The following FAM193A variants were observed in gnomAD, a reference collection of about 807,000 sequenced individuals.
FAM193A encodes family with sequence similarity 193 member A.
FAM193A carries 22 observed loss-of-function variants against 126.5 expected under a neutral mutation model. That is an observed-to-expected ratio of 0.17 (90% CI 0.12 to 0.25). FAM193A has a LOEUF of 0.25. FAM193A is among the 10% of genes least tolerant of loss of function. The pLI is 1.00. For missense variants in FAM193A, 1,675 were observed against 1,672.8 expected (o/e 1.00, Z -0.02); for synonymous variants, 761 against 646.8 (o/e 1.18, Z -2.68).
At chr4:2,721,283 A>T (rs1720114957) in intron 20 of FAM193A, among the ~76,000 whole-genome samples, 1 of 135,526 alleles carries the variant, frequency 7.4e-6, no homozygotes, top group African/African-American at 2.9e-5. Flanking sequence ...ACTGCACTCC[A>T]GCCTGGGCAA....
intron 13 of FAM193A, 89 bp downstream of exon 13, chr4:2,672,461 CA>C (rs1352489345): frequency 2.1e-6 from 3 of 1,418,562 alleles, no homozygotes; most frequent in Non-Finnish European, 2.9e-6. Context: ...TGTGAATTAG[CA>C]ACTTGCATAG....
chr4:2,629,133 C>T (rs1018684364), intron 4 of FAM193A, among the ~76,000 whole-genome samples: 10 of 151,790 alleles, frequency 6.6e-5, no homozygotes, highest in African/African-American at 2.2e-4. Context: ...TGCCCCGCTG[C>T]CTTCTTTTTA....
At chr4:2,536,419 G>C (rs942060803), upstream of FAM193A, among the ~76,000 whole-genome samples, 1 of 151,856 alleles carries the variant, frequency 6.6e-6, no homozygotes, top group Admixed American at 6.6e-5. Flanking sequence ...AAGGCCTGAC[G>C]GGAATCGTGG....
chr4:2,690,799 A>G lies in FAM193A; in HGVS notation c.2632A>G (p.Lys878Glu). ...TGCAGTCTCGGATAGTAAAGAGAAA[A>G]AGAATGCTGCAAAAAAGAAATGTTT... ...TPAVSDSKEK[K>E]NAAKKKCLYN... The change falls in exon 15 of 21, where the codon AAG (lysine) becomes GAG (glutamate). Residue 878 changes from lysine to glutamate, a missense_variant. Transcript: ENST00000637812. 1 of 1,614,200 alleles carries G rather than the reference A, an allele frequency of 6.2e-7. No homozygotes were observed. The highest frequency in any genetic ancestry group is 8.5e-7 in the Non-Finnish European group (1 of 1,180,042).
chr4:2,565,562 G>A (rs1435464801), intron 1 of FAM193A, among the ~76,000 whole-genome samples: 1 of 151,768 alleles, frequency 6.6e-6, no homozygotes, highest in Non-Finnish European at 1.5e-5. Flanking sequence ...AGCCAGAGTA[G>A]CCACTTTGTA....
intron 1 of FAM193A, among the ~76,000 whole-genome samples, chr4:2,562,916 C>G (rs1209445181): frequency 1.5e-4 from 22 of 151,698 alleles, no homozygotes; most frequent in African/African-American, 5.3e-4. Flanking sequence ...GCGTGAGCCA[C>G]CACACCTGGC....
At chr4:2,663,509 C>CT (rs1304666537) in intron 12 of FAM193A, among the ~76,000 whole-genome samples, 1 of 151,856 alleles carries the variant, frequency 6.6e-6, no homozygotes, top group Non-Finnish European at 1.5e-5. Context: ...CTGTGGAGGC[C>CT]TTTTTTGTCT....
intron 2 of FAM193A, among the ~76,000 whole-genome samples, chr4:2,616,619 G>A (rs1029593632): frequency 9.2e-5 from 14 of 151,376 alleles, no homozygotes; most frequent in African/African-American, 2.2e-4. Context: ...GTGCAGTGGC[G>A]AGTGATCTCT....
At chr4:2,580,523 T>C (rs1739859361) in intron 1 of FAM193A, among the ~76,000 whole-genome samples, 1 of 152,138 alleles carries the variant, frequency 6.6e-6, no homozygotes, top group African/African-American at 2.4e-5. Context: ...ATTTTGGAGC[T>C]AGGGTCTGCT....
At chr4:2,623,231 C>T (rs558508210) in intron 2 of FAM193A, among the ~76,000 whole-genome samples, 20 of 151,478 alleles carry the variant, frequency 1.3e-4, no homozygotes, top group Admixed American at 7.9e-4. Flanking sequence ...AGTGCGGTGG[C>T]GCGATCTCGG....
intron 2 of FAM193A, among the ~76,000 whole-genome samples, chr4:2,598,129 G>A (rs1477717274): frequency 6.6e-6 from 1 of 152,058 alleles, no homozygotes; most frequent in African/African-American, 2.4e-5. Context: ...GGTCTCGATC[G>A]TGATCCGCCC....
At chr4:2,635,968 T>G (rs187644457) in intron 5 of FAM193A, among the ~76,000 whole-genome samples, 10 of 152,222 alleles carry the variant, frequency 6.6e-5, no homozygotes, top group Admixed American at 1.3e-4. Context: ...AAATTCAACT[T>G]TTTACAGATA....
chr4:2,700,937 C>T (rs1033061285), intron 19 of FAM193A, among the ~76,000 whole-genome samples: 2 of 151,990 alleles, frequency 1.3e-5, no homozygotes, highest in African/African-American at 2.4e-5. Flanking sequence ...TGCACTCCAG[C>T]GTGGGTGACA....
chr4:2,548,215 G>A (rs1208295247), intron 1 of FAM193A, among the ~76,000 whole-genome samples: 2 of 151,160 alleles, frequency 1.3e-5, no homozygotes, highest in African/African-American at 2.4e-5. Flanking sequence ...GGGATTACAG[G>A]CGCCTTCCAC....
intron 10 of FAM193A, among the ~76,000 whole-genome samples, chr4:2,662,549 TAATC>T (rs1309993646): frequency 1.6e-4 from 25 of 152,366 alleles, no homozygotes; most frequent in Admixed American, 1.0e-3. Context: ...ATGGAAACGT[TAATC>T]AGTCTGGTTA....
At chr4:2,635,166 G>A (rs1317008046) in intron 5 of FAM193A, among the ~76,000 whole-genome samples, 1 of 152,094 alleles carries the variant, frequency 6.6e-6, no homozygotes, top group Non-Finnish European at 1.5e-5. Context: ...CTCTTTTTAT[G>A]GTTGGGTTAT....
At chr4:2,667,529 T>G (rs1713259311) in intron 12 of FAM193A, among the ~76,000 whole-genome samples, 1 of 152,244 alleles carries the variant, frequency 6.6e-6, no homozygotes, top group African/African-American at 2.4e-5. Flanking sequence ...ATAGCTCCCC[T>G]GATATATTGC....
In FAM193A at chr4:2,566,942, C is replaced by CTT. The variant is rs71644339; in HGVS notation, c.256-29128_256-29127dup. Among the ~76,000 whole-genome samples, 408 of 138,894 alleles carry CTT rather than the reference C, an allele frequency of 2.9e-3. 4 individuals carry two copies. The highest frequency in any genetic ancestry group is 4.7e-3 in the Non-Finnish European group (300 of 63,830). The allele number at this position is 138,894 out of a possible 152,430, so 91.1% of individuals were successfully genotyped here. A position where few individuals can be genotyped will look rare whatever the true frequency, so the allele number is the denominator to read the frequency against. On this transcript the variant is annotated intron_variant, in intron 1 of 20. Transcript: ENST00000637812. The stretch of plus-strand genomic sequence containing the variant: ...AAATTGACTAGCTGAATTTCTTTTT[C>CTT]TTTTTTTTTTTTTTTGAGACGGAGT...
chr4:2,562,478 C>G (rs1043673769), intron 1 of FAM193A, among the ~76,000 whole-genome samples: 1 of 152,112 alleles, frequency 6.6e-6, no homozygotes, highest in Admixed American at 6.6e-5. Context: ...GACGACTGCT[C>G]TTCACCCCTT....
Sources: gnomAD v4.1 joint callset for allele counts (sites outside exome capture counted in the v4.1 genomes callset) on GRCh38, gnomAD v4.1.1 for gene constraint, MANE v1.5 for transcripts, NCBI Gene and HGNC (gene_info 2026-07-23, HGNC 2026-07-21) for gene names.